Variants in PPFIA3 observed in about 807,000 individuals in gnomAD.
PPFIA3 encodes the protein liprin-alpha-3.
Under a neutral mutation model 145.8 loss-of-function variants are expected in PPFIA3, and 26 were observed. That is an observed-to-expected ratio of 0.18 (90% CI 0.13 to 0.25). The LOEUF (loss-of-function observed/expected upper bound fraction) is 0.25, where lower values mean the gene tolerates loss of function less well. PPFIA3 is among the 10% of genes least tolerant of loss of function. The probability of loss-of-function intolerance (pLI) is 1.00; values close to 1 mark genes in which losing one functional copy is unlikely to be tolerated. For missense variants in PPFIA3, 1,008 were observed against 1,587.8 expected, an observed-to-expected ratio of 0.63 and a Z score of 6.21; for synonymous variants, 645 against 661.4, an observed-to-expected ratio of 0.98 and a Z score of 0.38.
chr19:49,139,896 A>G (rs890255214), intron 17 of PPFIA3, 65 bp downstream of exon 17: 1 of 1,612,454 alleles, frequency 6.2e-7, no homozygotes, highest in African/African-American at 1.3e-5. Flanking sequence ...GGGGGTGGAC[A>G]AGGACTTGGG....
chr19:49,148,893 G>A (rs2041309943), intron 25 of PPFIA3, 100 bp from the exon 26 acceptor site: 2 of 1,573,198 alleles, frequency 1.3e-6, no homozygotes, highest in South Asian at 2.3e-5. Flanking sequence ...CCAGCGTGGG[G>A]GGCGTGGCCC....
At chr19:49,146,465 T>C (rs1224528862) in intron 23 of PPFIA3, 3 of 549,908 alleles carry the variant, frequency 5.5e-6, no homozygotes, top group Admixed American at 3.3e-5. Flanking sequence ...GGGGCTTCAA[T>C]TCTGTAGCTC....
intron 1 of PPFIA3, among the ~76,000 whole-genome samples, chr19:49,127,603 AAAT>A (rs775340501): frequency 2.0e-5 from 3 of 150,846 alleles, no homozygotes; most frequent in Middle Eastern, 3.4e-3. Context: ...TGTTAAAAAA[AAAT>A]AATAATAATA....
Position 49,128,198 on chromosome 19 carries a change from G to A in PPFIA3, c.240+85G>A. On this transcript the variant is annotated intron_variant, in intron 2 of 29. Transcript: ENST00000334186. The surrounding 1 kb of genome is among the most constrained non-coding windows in gnomAD (Gnocchi z 4.1). ...CCGGAAGGGGCCGGGCTTGGCGCCT[G>A]GAAGGGAGGAGTCTGGGCGAGGCTT... The A allele has an allele frequency of 6.8e-7, 1 of 1,468,260 alleles. No homozygotes were observed. Among genetic ancestry groups the A allele is most frequent in the East Asian group, 2.5e-5 (1 of 40,600 alleles). 91.0% of individuals were successfully genotyped at this position (1,468,260 alleles called of 1,614,324 possible).
chr19:49,149,038 G>A lies in PPFIA3; in HGVS notation c.3155G>A (p.Gly1052Glu). 1 of 1,614,140 alleles carries A rather than the reference G, an allele frequency of 6.2e-7. No individual in the cohort carries two copies. Among genetic ancestry groups the A allele is most frequent in the Non-Finnish European group, 8.5e-7 (1 of 1,180,024 alleles). Residue 1052 changes from glycine (G) to glutamate (E), a missense_variant, in exon 26 of 30, where the codon GGG (glycine) becomes GAG (glutamate). Transcript: ENST00000334186. This position sits in a 1 kb window ranked among gnomAD's most constrained non-coding sequence, Gnocchi z 5.7. ...GAGCGGGTCATGGGTTGGGTGTCCG[G>A]GCTGGGCCTGAAGGAATTTGCCACG... ...SNERVMGWVS[G>E]LGLKEFATNL...
In PPFIA3 at chr19:49,127,080, C is replaced by CAAA. The variant is rs11304397; in HGVS notation, c.-15-760_-15-758dup. On this transcript the variant is annotated intron_variant, in intron 1 of 29. Transcript: ENST00000334186. ...GTCCAGGAGTGAGACCTCATCTCCA[C>CAAA]AAAAAAAAAAAAAAAAAAAAAGGTC... Among the ~76,000 whole-genome samples the CAAA allele has an allele frequency of 5.4e-4, 38 of 69,796 alleles. 1 individual carries two copies. Among genetic ancestry groups the CAAA allele is most frequent in the South Asian group, 9.6e-4 (2 of 2,088 alleles). 45.8% of individuals were successfully genotyped at this position (69,796 alleles called of 152,430 possible).
At position 49,143,044 on chromosome 19, in the gene PPFIA3, G is replaced by A. The variant is rs751691494; in HGVS notation, c.2745+40G>A. The A allele has an allele frequency of 2.5e-6, 4 of 1,585,246 alleles. No homozygotes were observed. The South Asian group carries it at 3.3e-5, about 13-fold the overall frequency. On this transcript the variant is annotated intron_variant, in intron 21 of 29. Transcript: ENST00000334186. ...GCCAATTCCAGCCTTCGCTTCCTCA[G>A]AGCCCCGCCTCTTGCCCTCAGTCTA...
At position 49,149,565 on chromosome 19, in the gene PPFIA3, A is replaced by C. The variant is rs748730799; in HGVS notation, c.3373A>C (p.Ser1125Arg). 2.5e-6 allele frequency: 4 copies of C among 1,614,186 alleles called. No individual in the cohort carries two copies. In the South Asian group the frequency reaches 4.4e-5, roughly 18 times the overall value. The change falls in exon 28 of 30, where the codon AGC becomes CGC. Residue 1125 changes from serine (S) to arginine (R), a missense_variant. Coordinates refer to ENST00000334186, the MANE Select transcript of PPFIA3 (RefSeq NM_003660.4). This position sits in a 1 kb window ranked among gnomAD's most constrained non-coding sequence, Gnocchi z 5.7. ...TACCTAGGACAGCGCCAAGTCTTTC[A>C]GCCGCTCCCCATCCTGGCGGAAGAT... Reference protein sequence around the residue: ...RLDEDSAKSFSRSPSWRKMFR... With the variant: ...RLDEDSAKSFRRSPSWRKMFR...
Position 49,148,652 on chromosome 19 carries a change from C to T in PPFIA3, c.3012-14C>T. The T allele has an allele frequency of 6.3e-7, 1 of 1,597,682 alleles. No homozygotes were observed. Among genetic ancestry groups the T allele is most frequent in the Non-Finnish European group, 8.6e-7 (1 of 1,165,588 alleles). ...GGAAAGCTCATCCGTGACTCCACTT[C>T]CCCTGCTGCTCAGGGTGAGTCTACA... On this transcript the variant is annotated splice_polypyrimidine_tract_variant and intron_variant, in intron 24 of 29. Coordinates refer to ENST00000334186, the MANE Select transcript of PPFIA3 (RefSeq NM_003660.4).
Position 49,133,641 on chromosome 19 carries a change from G to C in PPFIA3, c.1162-155G>C, listed in dbSNP as rs58971998. Among the ~76,000 whole-genome samples, 3,901 of 152,182 alleles carry C rather than the reference G, an allele frequency of 0.026. 161 individuals carry two copies. Among genetic ancestry groups the C allele is most frequent in the African/African-American group, 0.087 (3,619 of 41,502 alleles). On this transcript the variant is annotated intron_variant, in intron 9 of 29. Coordinates refer to ENST00000334186, the MANE Select transcript of PPFIA3 (RefSeq NM_003660.4). This position sits in a 1 kb window ranked among gnomAD's most constrained non-coding sequence, Gnocchi z 7.2. The stretch of plus-strand genomic sequence containing the variant: ...GGGAAGGAACAGGTCCTGAAAAAGT[G>C]GACTAGGCGCAGGGGCGGGGCCTGA...
At chr19:49,132,370 C>T (rs963445856) in intron 7 of PPFIA3, among the ~76,000 whole-genome samples, 45 of 111,788 alleles carry the variant, frequency 4.0e-4, no homozygotes, top group East Asian at 2.7e-4. Flanking sequence ...GCCTGGGTGA[C>T]GGAGCAAGAC....
At position 49,128,136 on chromosome 19, in the gene PPFIA3, G is replaced by A. The variant is rs1253344634; in HGVS notation, c.240+23G>A. The A allele has an allele frequency of 7.6e-7, 1 of 1,323,756 alleles. No individual in the cohort carries two copies. Among genetic ancestry groups the A allele is most frequent in the Non-Finnish European group, 1.0e-6 (1 of 975,528 alleles). The allele number at this position is 1,323,756 out of a possible 1,614,324, so 82.0% of individuals were successfully genotyped here. On this transcript the variant is annotated intron_variant, in intron 2 of 29. Transcript: ENST00000334186. The surrounding 1 kb of genome is among the most constrained non-coding windows in gnomAD (Gnocchi z 4.1). Reference sequence around the variant, plus strand: ...CAGGTCTGGGCGGGACAGGGGCGGGGCATGAGGGGGCGGGGCCTCGGGGGG... The same window carrying A: ...CAGGTCTGGGCGGGACAGGGGCGGGACATGAGGGGGCGGGGCCTCGGGGGG...
At chr19:49,132,423 AAG>A (rs1262016121) in intron 7 of PPFIA3, among the ~76,000 whole-genome samples, 1 of 149,220 alleles carries the variant, frequency 6.7e-6, no homozygotes, top group African/African-American at 2.5e-5. Flanking sequence ...AAAAAAAAGA[AAG>A]AGAGAGAGAG....
At chr19:49,136,933 G>C (rs570618405) in intron 15 of PPFIA3, 22 bp downstream of exon 15, 12 of 1,487,732 alleles carry the variant, frequency 8.1e-6, no homozygotes, top group Non-Finnish European at 1.1e-5. Context: ...CCCCGCCCCG[G>C]CCTGCCCTGC....
chr19:49,149,179 G>C lies in PPFIA3; in HGVS notation c.3285+11G>C, dbSNP rs757807427. 3.7e-6 allele frequency: 6 copies of C among 1,613,634 alleles called. No homozygotes were observed. Among genetic ancestry groups the C allele is most frequent in the Non-Finnish European group, 5.1e-6 (6 of 1,179,846 alleles). ...ACGCAGAATGCACAGGTGAGCTGCCGCTGGGCCCGGAGCATGCTGGGCGTC... is the reference window on the plus strand; with the variant it reads ...ACGCAGAATGCACAGGTGAGCTGCCCCTGGGCCCGGAGCATGCTGGGCGTC... On this transcript the variant is annotated intron_variant, in intron 26 of 29. Coordinates refer to ENST00000334186, the MANE Select transcript of PPFIA3 (RefSeq NM_003660.4). This position sits in a 1 kb window ranked among gnomAD's most constrained non-coding sequence, Gnocchi z 5.7.
Position 49,139,771 on chromosome 19 carries a change from T to A in PPFIA3, c.2180T>A (p.Met727Lys). The change falls in exon 17 of 30, where the codon ATG (methionine) becomes AAG (lysine). Residue 727 changes from methionine to lysine, a missense_variant. Physicochemically the swap from Met to Lys is moderately conservative, Grantham distance 95. Coordinates refer to ENST00000334186, the MANE Select transcript of PPFIA3 (RefSeq NM_003660.4). ...PTPRSARLER[M>K]TQALALQAGS... ...CCCCGCTCTGCCCGTCTTGAGAGAA[T>A]GACCCAGGCCTTGGCACTGCAGGCG... 6.2e-7 allele frequency: 1 copy of A among 1,613,964 alleles called. No individual in the cohort carries two copies. The highest frequency in any genetic ancestry group is 8.5e-7 in the Non-Finnish European group (1 of 1,179,924).
At position 49,142,790 on chromosome 19, in the gene PPFIA3, T is replaced by C. The variant is rs554978417; in HGVS notation, c.2545-14T>C. 3.7e-6 allele frequency: 6 copies of C among 1,611,142 alleles called. No homozygotes were observed. In the South Asian group the frequency reaches 4.4e-5, roughly 12 times the overall value. ...TCCCTCTGTCCCCTCTGTCCCTCTG[T>C]CCCTCCGCTGCAGCTGTGGGTGGGC... On this transcript the variant is annotated splice_polypyrimidine_tract_variant and intron_variant, in intron 20 of 29. Transcript: ENST00000334186.
chr19:49,123,730 C>A lies in PPFIA3; in HGVS notation c.-16+4008C>A, dbSNP rs536270353. On this transcript the variant is annotated intron_variant, in intron 1 of 29. Transcript: ENST00000334186. ...ATGCTGGGATTACAGGCGTGAACCACCGCACCTGGCCTCATGTTCTTAAAT... is the reference window on the plus strand; with the variant it reads ...ATGCTGGGATTACAGGCGTGAACCAACGCACCTGGCCTCATGTTCTTAAAT... 2.0e-5 allele frequency among the ~76,000 whole-genome samples: 3 copies of A among 152,302 alleles called. No individual in the cohort carries two copies. The East Asian group carries it at 5.8e-4, about 29-fold the overall frequency.
chr19:49,137,749 T>A (rs571299597), intron 15 of PPFIA3, among the ~76,000 whole-genome samples: 3 of 150,034 alleles, frequency 2.0e-5, no homozygotes, highest in Admixed American at 2.0e-4. Flanking sequence ...TATAATGTAC[T>A]CCCCATGAGC....
Sources: gnomAD v4.1 joint callset for allele counts (sites outside exome capture counted in the v4.1 genomes callset) on GRCh38, gnomAD v4.1.1 for gene constraint, Gnocchi (gnomAD v3.1) non-coding constraint, MANE v1.5 for transcripts, NCBI Gene and HGNC (gene_info 2026-07-23, HGNC 2026-07-21) for gene names.